CUL4A: variants seen among roughly 807,000 people sequenced by gnomAD.
The protein encoded by CUL4A is cullin 4A, also known as cullin-4A.
A neutral mutation model predicts 95.5 loss-of-function variants in CUL4A; 16 were observed. That is an observed-to-expected ratio of 0.17 (90% CI 0.11 to 0.25). The LOEUF (loss-of-function observed/expected upper bound fraction) is 0.25, where lower values mean the gene tolerates loss of function less well. Among genes scored for constraint, CUL4A ranks in the 10% least tolerant of loss-of-function variants. CUL4A has a pLI of 1.00. For synonymous variants in CUL4A, 380 were observed against 353.1 expected (o/e 1.08, Z -0.85); for missense variants, 610 against 937.0 (o/e 0.65, Z 4.56).
rs2042388150 is a variant in CUL4A at position 113,265,807 on chromosome 13, A to G, written c.*2225A>G. 1 of 152,262 alleles carries G rather than the reference A, an allele frequency of 6.6e-6. No homozygotes were observed. Among genetic ancestry groups the G allele is most frequent in the Non-Finnish European group, 1.5e-5 (1 of 68,052 alleles). The allele number at this position is 152,262 out of a possible 1,614,324, so 9.4% of individuals were successfully genotyped here. The stretch of plus-strand genomic sequence containing the variant: ...TAAAACAAATAGTATAGAAGAAATC[A>G]TTGAAAAAGAAACAGCACTTAGACA... On this transcript the variant is annotated 3_prime_UTR_variant, in exon 20 of 20. Coordinates refer to ENST00000375440, the MANE Select transcript of CUL4A (RefSeq NM_001008895.4).
chr13:113,215,889 G>A (rs1463620952), intron 2 of CUL4A, among the ~76,000 whole-genome samples: 5 of 104,758 alleles, frequency 4.8e-5, no homozygotes, highest in East Asian at 6.3e-4. Context: ...TGGAGGTCGC[G>A]TGTGTGACTA....
At chr13:113,226,510 A>G (rs988156901) in intron 3 of CUL4A, among the ~76,000 whole-genome samples, 2 of 152,212 alleles carry the variant, frequency 1.3e-5, no homozygotes, top group African/African-American at 4.8e-5. Flanking sequence ...ATTGTCATTG[A>G]TGATTCTCAG....
At chr13:113,225,037 C>CT (rs1041150991) in intron 3 of CUL4A, among the ~76,000 whole-genome samples, 59 of 148,018 alleles carry the variant, frequency 4.0e-4, no homozygotes, top group African/African-American at 8.9e-4. Flanking sequence ...TTTGCTTTTT[C>CT]TTTTTTTTTT....
At chr13:113,245,264 G>C (rs772221605) in intron 14 of CUL4A, 27 bp downstream of exon 14, 9 of 1,606,634 alleles carry the variant, frequency 5.6e-6, no homozygotes, top group African/African-American at 1.3e-5. Flanking sequence ...AGGTAAAGCG[G>C]CTTTTTAAAA....
intron 3 of CUL4A, among the ~76,000 whole-genome samples, chr13:113,227,224 A>G (rs1341433862): frequency 5.9e-5 from 9 of 152,232 alleles, no homozygotes; most frequent in Admixed American, 5.9e-4. Flanking sequence ...AAAACACCAT[A>G]GAGTGTGGCT....
At chr13:113,253,217 T>C (rs1238186207) in intron 16 of CUL4A, 22 bp downstream of exon 16, 1 of 1,279,208 alleles carries the variant, frequency 7.8e-7, no homozygotes, top group Non-Finnish European at 1.1e-6. Flanking sequence ...GTTTCATTTA[T>C]TTTTTATTAT....
chr13:113,209,325 C>T (rs557585351), upstream of CUL4A, among the ~76,000 whole-genome samples: 2 of 145,698 alleles, frequency 1.4e-5, no homozygotes, highest in South Asian at 4.3e-4. Context: ...CTCGGTGCGC[C>T]CCCCGGAGCC....
intron 15 of CUL4A, 30 bp from the exon 16 acceptor site, chr13:113,253,051 CA>C (rs751889740): frequency 3.6e-6 from 4 of 1,114,414 alleles, no homozygotes; most frequent in Middle Eastern, 2.0e-4. Flanking sequence ...TGGTGTGTGG[CA>C]TAATTTTGTT....
At chr13:113,251,748 C>A (rs2042000332) in intron 15 of CUL4A, among the ~76,000 whole-genome samples, 1 of 152,176 alleles carries the variant, frequency 6.6e-6, no homozygotes, top group African/African-American at 2.4e-5. Context: ...CCTCCACAGC[C>A]AAGCTACTTG....
upstream of CUL4A, chr13:113,208,935 C>T (rs146751759): frequency 7.6e-7 from 1 of 1,321,970 alleles, no homozygotes; most frequent in Admixed American, 3.8e-5. Context: ...CACGGCTAAA[C>T]TGCCTTTCAC....
intron 10 of CUL4A, among the ~76,000 whole-genome samples, chr13:113,240,618 A>T (rs891854425): frequency 6.6e-6 from 1 of 152,246 alleles, no homozygotes; most frequent in African/African-American, 2.4e-5. Flanking sequence ...AAGAAAAGCC[A>T]ATCACAGATA....
rs140692153 is a variant in CUL4A at position 113,258,865 on chromosome 13, G to T, written c.2032-1742G>T. Among the ~76,000 whole-genome samples, 257 of 152,314 alleles carry T rather than the reference G, an allele frequency of 1.7e-3. 2 individuals are homozygous for T. The highest frequency in any genetic ancestry group is 1.8e-3 in the Non-Finnish European group (122 of 68,024). On this transcript the variant is annotated intron_variant, in intron 18 of 19. Transcript: ENST00000375440. ...CTGGCTGCAGCATCGTTGCCAAAAGGGGAAGCTGAGCCAGACAGGCCTGAT... is the reference window on the plus strand; with the variant it reads ...CTGGCTGCAGCATCGTTGCCAAAAGTGGAAGCTGAGCCAGACAGGCCTGAT...
chr13:113,248,912 C>T (rs549602983), intron 15 of CUL4A, among the ~76,000 whole-genome samples: 2 of 151,870 alleles, frequency 1.3e-5, no homozygotes, highest in African/African-American at 4.8e-5. Context: ...TTTTTGCTTT[C>T]GAATATTTTT....
rs1409429377 is a variant in CUL4A at position 113,210,099 on chromosome 13, G to C, written c.264+11G>C. 6.7e-7 allele frequency: 1 copy of C among 1,484,674 alleles called. No homozygotes were observed. The highest frequency in any genetic ancestry group is 9.0e-7 in the Non-Finnish European group (1 of 1,114,756). The allele number at this position is 1,484,674 out of a possible 1,614,324, so 92.0% of individuals were successfully genotyped here. On this transcript the variant is annotated intron_variant, in intron 2 of 19. Transcript: ENST00000375440. ...GAGGAGCTCTACCAGGTGAGGCGGCGGCCGGGGCTGGGGACGCCGCTCCTG... is the reference window on the plus strand; with the variant it reads ...GAGGAGCTCTACCAGGTGAGGCGGCCGCCGGGGCTGGGGACGCCGCTCCTG...
intron 2 of CUL4A, among the ~76,000 whole-genome samples, chr13:113,218,214 G>A (rs1294346554): frequency 6.6e-6 from 1 of 151,822 alleles, no homozygotes; most frequent in African/African-American, 2.4e-5. Context: ...CTCCAGCCTG[G>A]GTGACAGAGC....
At chr13:113,251,016 CAG>C (rs1263605843) in intron 15 of CUL4A, among the ~76,000 whole-genome samples, 2 of 152,120 alleles carry the variant, frequency 1.3e-5, no homozygotes, top group East Asian at 3.9e-4. Context: ...GACAGAAACA[CAG>C]AGAAACTAAA....
intron 3 of CUL4A, chr13:113,219,331 T>C (rs2040812134): frequency 3.5e-6 from 1 of 284,678 alleles, no homozygotes; most frequent in Non-Finnish European, 6.6e-6. Flanking sequence ...ATAAACACCA[T>C]CTGCATTGGC....
chr13:113,255,461 A>G (rs1022762310), intron 18 of CUL4A, among the ~76,000 whole-genome samples: 1 of 152,146 alleles, frequency 6.6e-6, no homozygotes, highest in Non-Finnish European at 1.5e-5. Flanking sequence ...GGTGTTGTAC[A>G]TTCTGTGGGT....
intron 2 of CUL4A, among the ~76,000 whole-genome samples, chr13:113,211,650 G>C (rs955528869): frequency 1.3e-5 from 2 of 152,214 alleles, no homozygotes; most frequent in Non-Finnish European, 2.9e-5. Context: ...CTCTCAAAGT[G>C]CTGGGTTTAC....
Sources: allele counts gnomAD v4.1 joint callset (sites outside exome capture counted in the v4.1 genomes callset), GRCh38; gene constraint gnomAD v4.1.1; transcripts MANE v1.5; gene names NCBI Gene and HGNC (gene_info 2026-07-23, HGNC 2026-07-21).